Variants in QTMAN observed in about 807,000 individuals in gnomAD.
QTMAN encodes tRNA-queuosine alpha-mannosyltransferase.
At chr2:144,112,380 T>C in the QTMAN span, among the ~76,000 whole-genome samples, 3 of 152,192 alleles carry the variant, frequency 2.0e-5, no homozygotes, top group Non-Finnish European at 4.4e-5. Context: ...CTAGAGAACT[T>C]TGAACCTAAG....
chr2:144,182,888 A>T, the QTMAN span, among the ~76,000 whole-genome samples: 7 of 84,996 alleles, frequency 8.2e-5, no homozygotes, highest in African/African-American at 2.9e-4. Flanking sequence ...TATATATTTT[A>T]TATATATATA....
At chr2:144,160,856 A>C in the QTMAN span, among the ~76,000 whole-genome samples, 2 of 152,190 alleles carry the variant, frequency 1.3e-5, no homozygotes, top group African/African-American at 4.8e-5. Context: ...TACGTAAAAT[A>C]CACAAAAACA....
chr2:143,949,776 T>A, the QTMAN span, among the ~76,000 whole-genome samples: 1 of 151,850 alleles, frequency 6.6e-6, no homozygotes, highest in Non-Finnish European at 1.5e-5. Flanking sequence ...TGTCTATTTA[T>A]AAAACACAAG....
the QTMAN span, among the ~76,000 whole-genome samples, chr2:144,239,165 A>G: frequency 2.0e-5 from 3 of 150,428 alleles, no homozygotes; most frequent in African/African-American, 7.5e-5. Context: ...TGTTAAAAAA[A>G]AGAAAAGAAA....
chr2:143,957,565 A>G, the QTMAN span, among the ~76,000 whole-genome samples: 1 of 152,244 alleles, frequency 6.6e-6, no homozygotes, highest in East Asian at 1.9e-4. Context: ...CTCCCCCTAA[A>G]TGAAAAGCCA....
chr2:144,060,500 A>T, the QTMAN span, among the ~76,000 whole-genome samples: 3 of 152,152 alleles, frequency 2.0e-5, no homozygotes, highest in African/African-American at 7.2e-5. Context: ...ACCTCAGGTG[A>T]TCCACTCACC....
At chr2:144,098,100 C>T in the QTMAN span, among the ~76,000 whole-genome samples, 1 of 152,326 alleles carries the variant, frequency 6.6e-6, no homozygotes, top group African/African-American at 2.4e-5. Context: ...GCTATGTAAG[C>T]TTCTCCACAC....
chr2:143,991,413 G>T, the QTMAN span, among the ~76,000 whole-genome samples: 1 of 150,474 alleles, frequency 6.6e-6, no homozygotes, highest in African/African-American at 2.5e-5. Context: ...CCGGCCAGCT[G>T]CCCCGTCCGG....
the QTMAN span, among the ~76,000 whole-genome samples, chr2:144,177,745 A>G: frequency 6.6e-6 from 1 of 152,200 alleles, no homozygotes; most frequent in South Asian, 2.1e-4. Context: ...TTGCTATCCA[A>G]TGCAAATGAG....
chr2:144,216,780 G>C, the QTMAN span, among the ~76,000 whole-genome samples: 1 of 152,010 alleles, frequency 6.6e-6, no homozygotes, highest in Non-Finnish European at 1.5e-5. Context: ...GCATTTAATG[G>C]CCTAAGAGAA....
chr2:144,127,290 CA>C, the QTMAN span, among the ~76,000 whole-genome samples: 5 of 151,476 alleles, frequency 3.3e-5, no homozygotes, highest in South Asian at 2.1e-4. Context: ...CAAACACACA[CA>C]AAAAAAATGT....
the QTMAN span, chr2:143,939,096 T>C: frequency 6.6e-6 from 1 of 152,246 alleles, no homozygotes; most frequent in African/African-American, 2.4e-5. Context: ...AAATTTTTCC[T>C]TTAGGCATCT....
chr2:144,203,949 A>G, the QTMAN span, among the ~76,000 whole-genome samples: 4 of 152,264 alleles, frequency 2.6e-5, no homozygotes, highest in East Asian at 5.8e-4. Context: ...CCATATGTAG[A>G]AAGCTGAAAC....
chr2:144,240,106 A>C, the QTMAN span, among the ~76,000 whole-genome samples: 6 of 152,232 alleles, frequency 3.9e-5, no homozygotes, highest in African/African-American at 1.4e-4. Flanking sequence ...ATTAGAGGTA[A>C]TAGTGTAAAG....
the QTMAN span, among the ~76,000 whole-genome samples, chr2:143,988,253 T>C: frequency 3.2e-4 from 48 of 152,334 alleles, no homozygotes; most frequent in Admixed American, 9.2e-4. Context: ...TAGGTGGTGC[T>C]GCGTCATGCT....
chr2:144,107,458 C>T, the QTMAN span, among the ~76,000 whole-genome samples: 21 of 152,168 alleles, frequency 1.4e-4, no homozygotes, highest in Admixed American at 3.9e-4. Flanking sequence ...AAACTACCAT[C>T]AGAGAATACT....
chr2:143,962,821 T>C, the QTMAN span, among the ~76,000 whole-genome samples: 4 of 152,164 alleles, frequency 2.6e-5, no homozygotes, highest in Non-Finnish European at 4.4e-5. Context: ...ACATTTCCTG[T>C]GAAATGTCTG....
At chr2:144,038,547 C>A in the QTMAN span, among the ~76,000 whole-genome samples, 1 of 152,144 alleles carries the variant, frequency 6.6e-6, no homozygotes, top group Non-Finnish European at 1.5e-5. Context: ...GAAGCAACTA[C>A]GGTATACCCA....
the QTMAN span, among the ~76,000 whole-genome samples, chr2:144,261,907 AG>A: frequency 2.6e-5 from 4 of 152,030 alleles, no homozygotes; most frequent in East Asian, 7.7e-4. Flanking sequence ...AAGAATTCAG[AG>A]GGGAAAAAAT....
Sources: allele counts gnomAD v4.1 joint callset (sites outside exome capture counted in the v4.1 genomes callset), GRCh38; gene constraint gnomAD v4.1.1; transcripts MANE v1.5; gene names NCBI Gene and HGNC (gene_info 2026-07-23, HGNC 2026-07-21).